The following CHODL variants were observed in gnomAD, a reference collection of about 807,000 sequenced individuals.
The protein encoded by CHODL is transmembrane protein MT75.
Under a neutral mutation model 34.5 loss-of-function variants are expected in CHODL, and 29 were observed. The ratio of observed to expected loss-of-function variants is 0.84; its 90% CI spans 0.63 to 1.15. The LOEUF (loss-of-function observed/expected upper bound fraction) is 1.15. CHODL is among the 50% of genes most tolerant of loss of function. The pLI is 0.00. For missense variants in CHODL, 332 were observed against 332.5 expected (o/e 1.00, Z 0.01); for synonymous variants, 125 against 116.1 (o/e 1.08, Z -0.49).
chr21:17,988,615 T>G (rs1281332515), intron 1 of CHODL, among the ~76,000 whole-genome samples: 5 of 120,774 alleles, frequency 4.1e-5, no homozygotes, highest in Non-Finnish European at 8.4e-5. Flanking sequence ...GTTCTCATTG[T>G]TCAATTCCCA....
intron 2 of CHODL, among the ~76,000 whole-genome samples, chr21:18,155,957 C>G (rs1601081216): frequency 6.6e-6 from 1 of 152,188 alleles, no homozygotes; most frequent in East Asian, 1.9e-4. Context: ...ATTTAAAGGC[C>G]CTGTGGACAT....
At position 18,266,959 on chromosome 21, in the gene CHODL, A is replaced by G. The variant is rs1470162800; in HGVS notation, c.*921A>G. On this transcript the variant is annotated 3_prime_UTR_variant, in exon 6 of 6. Coordinates refer to ENST00000299295, the MANE Select transcript of CHODL (RefSeq NM_024944.3). ...ATGTGGTCCCTCTCTTGCCCACTAA[A>G]CAAAGATGGTTGTTCGGGGTTTGGG... The G allele has an allele frequency of 6.6e-6, 1 of 152,262 alleles. No homozygotes were observed. The highest frequency in any genetic ancestry group is 1.5e-5 in the Non-Finnish European group (1 of 68,062). 9.4% of individuals were successfully genotyped at this position (152,262 alleles called of 1,614,324 possible).
chr21:18,146,519 A>G (rs1228049357), intron 2 of CHODL, among the ~76,000 whole-genome samples: 1 of 151,994 alleles, frequency 6.6e-6, no homozygotes, highest in Non-Finnish European at 1.5e-5. Context: ...CCCTTTGCTC[A>G]GCACTTCTCT....
intron 2 of CHODL, among the ~76,000 whole-genome samples, chr21:18,039,401 T>C (rs1032156702): frequency 3.3e-5 from 5 of 151,700 alleles, no homozygotes; most frequent in Non-Finnish European, 7.4e-5. Flanking sequence ...TCCCATGCTG[T>C]TCTCTAAATC....
In CHODL at chr21:18,184,475, G is replaced by A. The variant is rs17002447; in HGVS notation, c.-44-72034G>A. ...ATGATGATAGGAATAAGCACATTTGGTTTCAGTTTTAGAGAGTCTGAAATA... is the reference window on the plus strand; with the variant it reads ...ATGATGATAGGAATAAGCACATTTGATTTCAGTTTTAGAGAGTCTGAAATA... On this transcript the variant is annotated intron_variant, in intron 2 of 6. Coordinates refer to the CHODL transcript ENST00000400127. 4.5e-3 allele frequency among the ~76,000 whole-genome samples: 678 copies of A among 152,196 alleles called. 5 individuals are homozygous for A. Among genetic ancestry groups the A allele is most frequent in the African/African-American group, 0.014 (602 of 41,524 alleles).
chr21:18,220,594 C>T (rs531234061), intron 2 of CHODL, among the ~76,000 whole-genome samples: 1 of 151,962 alleles, frequency 6.6e-6, no homozygotes, highest in Non-Finnish European at 1.5e-5. Flanking sequence ...TAGGCCTGAT[C>T]TAGTCATGAA....
chr21:18,005,190 T>A (rs8127924), intron 1 of CHODL, among the ~76,000 whole-genome samples: 5 of 152,110 alleles, frequency 3.3e-5, no homozygotes, highest in African/African-American at 9.7e-5. Flanking sequence ...GCTCTGCCAC[T>A]TCCTTGCACC....
chr21:17,927,022 GTGTATGCATATATGTATA>G (rs951881887), intron 1 of CHODL, among the ~76,000 whole-genome samples: 7 of 151,208 alleles, frequency 4.6e-5, no homozygotes, highest in Admixed American at 3.3e-4. Flanking sequence ...ACACACATAT[GTGTATGCATATATGTATA>G]TGTATGCATA....
intron 2 of CHODL, among the ~76,000 whole-genome samples, chr21:18,206,948 C>T (rs571956433): frequency 9.9e-5 from 15 of 151,682 alleles, no homozygotes; most frequent in African/African-American, 3.1e-4. Flanking sequence ...AGGTTTGTTA[C>T]ATAGGTATAC....
intron 2 of CHODL, among the ~76,000 whole-genome samples, chr21:18,041,564 A>T (rs1600928023): frequency 6.6e-6 from 1 of 152,016 alleles, no homozygotes; most frequent in East Asian, 1.9e-4. Flanking sequence ...CGTCATGCAG[A>T]TGCATTTTGT....
intron 2 of CHODL, among the ~76,000 whole-genome samples, chr21:18,038,278 A>C (rs942677593): frequency 5.9e-5 from 9 of 151,738 alleles, no homozygotes; most frequent in African/African-American, 2.2e-4. Flanking sequence ...AGACATTCCC[A>C]ATGTATAAGG....
intron 2 of CHODL, among the ~76,000 whole-genome samples, chr21:18,104,953 A>G (rs1406397198): frequency 1.3e-5 from 2 of 152,204 alleles, no homozygotes; most frequent in South Asian, 2.1e-4. Flanking sequence ...ATGCTATGAC[A>G]TGATTTGGAA....
chr21:18,037,086 A>G (rs75180200), intron 2 of CHODL, among the ~76,000 whole-genome samples: 2,642 of 152,064 alleles, frequency 0.017, 163 homozygotes, highest in East Asian at 0.16. Context: ...ATTTCCATAT[A>G]TAACATATTT....
intron 1 of CHODL, among the ~76,000 whole-genome samples, chr21:17,995,554 G>C (rs745772827): frequency 1.3e-4 from 20 of 152,104 alleles, no homozygotes; most frequent in Non-Finnish European, 2.4e-4. Context: ...TTGCTGTTTT[G>C]GTCCTTCTTT....
chr21:18,096,445 G>A (rs1451743610), intron 2 of CHODL, among the ~76,000 whole-genome samples: 1 of 152,144 alleles, frequency 6.6e-6, no homozygotes, highest in Non-Finnish European at 1.5e-5. Context: ...AAATATTGCT[G>A]AATTATTTTC....
In CHODL at chr21:17,936,778, A is replaced by C. The variant is rs2063322525; in HGVS notation, c.-145+19378A>C. On this transcript the variant is annotated intron_variant, in intron 1 of 6. Transcript: ENST00000400127. ...GAGAAAGGAGAGTAAATATCTATTA[A>C]AATTTTAGAAGGAAGGGCCGGGCGT... 1.3e-5 allele frequency among the ~76,000 whole-genome samples: 2 copies of C among 152,166 alleles called. 1 individual carries two copies. Among genetic ancestry groups the C allele is most frequent in the Non-Finnish European group, 2.9e-5 (2 of 68,016 alleles).
chr21:17,945,675 A>T (rs1301151901), intron 1 of CHODL, among the ~76,000 whole-genome samples: 2 of 152,220 alleles, frequency 1.3e-5, no homozygotes, highest in Non-Finnish European at 2.9e-5. Context: ...AAAGGGCCAG[A>T]AAGCATATTT....
chr21:18,226,909 G>A (rs2073936273), intron 2 of CHODL, among the ~76,000 whole-genome samples: 1 of 152,064 alleles, frequency 6.6e-6, no homozygotes, highest in Non-Finnish European at 1.5e-5. Context: ...GCATCTTTCT[G>A]CCAAACAAAT....
chr21:18,011,055 A>G (rs1356306251), intron 1 of CHODL, among the ~76,000 whole-genome samples: 2 of 152,166 alleles, frequency 1.3e-5, no homozygotes, highest in Non-Finnish European at 2.9e-5. Flanking sequence ...GCAAATATTT[A>G]AATGGTCCCG....
Sources: allele counts gnomAD v4.1 joint callset (sites outside exome capture counted in the v4.1 genomes callset), GRCh38; gene constraint gnomAD v4.1.1; transcripts MANE v1.5; gene names NCBI Gene and HGNC (gene_info 2026-07-23, HGNC 2026-07-21).